The following TSGA10IP variants were observed in gnomAD, a reference collection of about 807,000 sequenced individuals.
TSGA10IP encodes the protein testis specific 10 interacting protein, also known as testis-specific protein 10-interacting protein.
In TSGA10IP, 64 loss-of-function variants were observed where a neutral mutation model predicts 63.2. The ratio of observed to expected loss-of-function variants is 1.01; its 90% CI spans 0.83 to 1.25. The LOEUF (loss-of-function observed/expected upper bound fraction) is 1.25, where lower values mean the gene tolerates loss of function less well. Ranked by LOEUF, TSGA10IP falls within the 50% of genes most tolerant of loss-of-function variation. The pLI is 0.00. For missense variants in TSGA10IP, 681 were observed against 710.1 expected (o/e 0.96, Z 0.47); for synonymous variants, 316 against 298.3 (o/e 1.06, Z -0.61).
rs946520262 is a variant in TSGA10IP at position 65,947,596 on chromosome 11, G to T, written c.771G>T (p.Glu257Asp). 6 of 1,613,878 alleles carry T rather than the reference G, an allele frequency of 3.7e-6. No individual in the cohort carries two copies. In the Admixed American group the frequency reaches 8.3e-5, roughly 22 times the overall value. ...TTTCAGAGGCCACAGAGGAGGCTGAGGAGGGAGAGCACAGGACTCCCTGCA... is the reference window on the plus strand; with the variant it reads ...TTTCAGAGGCCACAGAGGAGGCTGATGAGGGAGAGCACAGGACTCCCTGCA... The change falls in exon 3 of 8, where the codon GAG becomes GAT. Residue 257 changes from glutamate to aspartate, a missense_variant. Physicochemically the swap from Glu to Asp is conservative, Grantham distance 45. Transcript: ENST00000532620.
chr11:65,947,546 G>T (rs762561330), exon 3 of TSGA10IP: 11 of 1,613,720 alleles, frequency 6.8e-6, no homozygotes, highest in Non-Finnish European at 8.5e-6. Flanking sequence ...CCCCAGGAGG[G>T]GGTCGATCTC....
At chr11:65,956,694 A>AT (rs1281581585) in intron 5 of TSGA10IP, among the ~76,000 whole-genome samples, 1 of 151,744 alleles carries the variant, frequency 6.6e-6, no homozygotes, top group African/African-American at 2.4e-5. Flanking sequence ...CACCTGGCTA[A>AT]TTTTTTTGTA....
intron 5 of TSGA10IP, among the ~76,000 whole-genome samples, chr11:65,955,149 A>G (rs1277712771): frequency 6.6e-6 from 1 of 152,094 alleles, no homozygotes; most frequent in African/African-American, 2.4e-5. Flanking sequence ...CAAGGCAGGA[A>G]TTTGTAGCTA....
exon 3 of TSGA10IP, chr11:65,947,313 A>T: frequency 6.2e-7 from 1 of 1,612,462 alleles, no homozygotes; most frequent in Non-Finnish European, 8.5e-7. Flanking sequence ...TGCTGCTGGA[A>T]GACAGAGGCG....
intron 1 of TSGA10IP, 138 bp from the exon 2 acceptor site, chr11:65,946,742 T>C: frequency 1.0e-6 from 1 of 958,060 alleles, no homozygotes. Context: ...CCCTGTTTGG[T>C]TGGTTTTTAT....
At chr11:65,956,143 T>TTTA (rs199983306) in intron 5 of TSGA10IP, among the ~76,000 whole-genome samples, 14 of 122,968 alleles carry the variant, frequency 1.1e-4, no homozygotes, top group Admixed American at 6.0e-4. Flanking sequence ...GTCTTTTTTT[T>TTTA]TTTTTTTTTT....
At chr11:65,959,384 C>A in intron 7 of TSGA10IP, 70 bp downstream of exon 7, 12 of 1,565,258 alleles carry the variant, frequency 7.7e-6, no homozygotes, top group Non-Finnish European at 1.0e-5. Flanking sequence ...CACACCAGCA[C>A]TCTGGGCTCT....
At chr11:65,947,862 A>C (rs1156591021) in intron 3 of TSGA10IP, 34 bp downstream of exon 3, 1 of 1,521,844 alleles carries the variant, frequency 6.6e-7, no homozygotes, top group Non-Finnish European at 8.8e-7. Flanking sequence ...GATTCCCCCG[A>C]AGCTACACCG....
chr11:65,955,371 C>T (rs1239746521), intron 5 of TSGA10IP, among the ~76,000 whole-genome samples: 2 of 152,138 alleles, frequency 1.3e-5, no homozygotes, highest in East Asian at 1.9e-4. Flanking sequence ...TTTGGGAAGC[C>T]GAGGTAAGTG....
exon 3 of TSGA10IP, chr11:65,947,274 C>A: frequency 6.2e-7 from 1 of 1,612,074 alleles, no homozygotes. Flanking sequence ...AGGCGCAAGT[C>A]CACGGCCAAC....
chr11:65,952,753 C>T (rs1854962299), intron 4 of TSGA10IP, among the ~76,000 whole-genome samples: 1 of 151,300 alleles, frequency 6.6e-6, no homozygotes, highest in African/African-American at 2.4e-5. Context: ...GTCTCAAACT[C>T]CTGGGCTCAA....
intron 7 of TSGA10IP, 100 bp downstream of exon 7, chr11:65,959,414 A>T: frequency 6.6e-7 from 1 of 1,506,850 alleles, no homozygotes. Context: ...CCCCCAGGAC[A>T]GGCAGAGAGC....
In TSGA10IP at chr11:65,958,894, G is replaced by A. The variant is rs753998898; in HGVS notation, c.1334G>A (p.Arg445Gln). 17 of 1,612,654 alleles carry A rather than the reference G, an allele frequency of 1.1e-5. No individual in the cohort carries two copies. Among genetic ancestry groups the A allele is most frequent in the African/African-American group, 2.7e-5 (2 of 74,938 alleles). The change falls in exon 6 of 8, where the codon CGA (arginine) becomes CAA (glutamine). Residue 445 changes from arginine to glutamine, a missense_variant. Arg to Gln is a conservative substitution (Grantham distance 43). Transcript: ENST00000532620. ...TGTCTCCCCTGCAGGCGCCAGGAGCGACAGCGCTTTGCTGAGTACCAGGCG... is the reference window on the plus strand; with the variant it reads ...TGTCTCCCCTGCAGGCGCCAGGAGCAACAGCGCTTTGCTGAGTACCAGGCG...
rs1854878288 is a variant in TSGA10IP at position 65,948,134 on chromosome 11, ACAGGAAGCCAC to A, written c.1142_1151+1del. 6.2e-7 allele frequency: 1 copy of A among 1,603,652 alleles called. No homozygotes were observed. Among genetic ancestry groups the A allele is most frequent in the African/African-American group, 1.3e-5 (1 of 74,866 alleles). ...TCCCTAATCGCACCTTCCACAAACG[ACAGGAAGCCAC>A]CAGGTAAGAGGGAAGAGAAGGGAGT... On this transcript the variant is annotated frameshift_variant, in exon 4 of 8. Transcript: ENST00000532620. LOFTEE classifies it high-confidence loss of function.
intron 3 of TSGA10IP, 21 bp from the exon 4 acceptor site, chr11:65,947,980 A>C: frequency 6.4e-7 from 1 of 1,552,700 alleles, no homozygotes; most frequent in Admixed American, 2.0e-5. Flanking sequence ...GCAGCCCCTG[A>C]CTTGGTCCCA....
At chr11:65,959,683 C>T (rs1054968229) in intron 7 of TSGA10IP, 134 bp from the exon 8 acceptor site, 15 of 1,292,384 alleles carry the variant, frequency 1.2e-5, no homozygotes, top group South Asian at 1.6e-5. Flanking sequence ...AAGTGAGACT[C>T]GAGAAGAGTC....
chr11:65,950,045 G>A (rs766833342), intron 4 of TSGA10IP, among the ~76,000 whole-genome samples: 12 of 150,764 alleles, frequency 8.0e-5, no homozygotes, highest in Non-Finnish European at 1.6e-4. Flanking sequence ...TAGAGATGGG[G>A]TTTCACCATA....
At chr11:65,959,072 A>G in intron 6 of TSGA10IP, 90 bp downstream of exon 6, 1 of 1,566,860 alleles carries the variant, frequency 6.4e-7, no homozygotes, top group Non-Finnish European at 8.7e-7. Flanking sequence ...AGGTCCCTGC[A>G]GATAGGATCC....
exon 3 of TSGA10IP, chr11:65,947,206 C>G (rs1020922739): frequency 1.2e-6 from 2 of 1,607,836 alleles, no homozygotes; most frequent in African/African-American, 1.3e-5. Context: ...AGCCAAGCTC[C>G]CCAACCCCTG....
Sources: gnomAD v4.1 joint callset for allele counts (sites outside exome capture counted in the v4.1 genomes callset) on GRCh38, gnomAD v4.1.1 for gene constraint, MANE v1.5 for transcripts, NCBI Gene and HGNC (gene_info 2026-07-23, HGNC 2026-07-21) for gene names.